Variants in ARID1B observed in about 807,000 individuals in gnomAD.
ARID1B encodes AT-rich interactive domain-containing protein 1B.
In ARID1B, 30 loss-of-function variants were observed where a neutral mutation model predicts 212.3. The ratio of observed to expected loss-of-function variants is 0.14; its 90% CI spans 0.11 to 0.19. The LOEUF is 0.19. ARID1B is among the 10% of genes least tolerant of loss of function. The pLI is 1.00. For missense variants in ARID1B, 2,891 were observed against 3,204.0 expected, an observed-to-expected ratio of 0.90 and a Z score of 2.36; for synonymous variants, 1,402 against 1,301.7, an observed-to-expected ratio of 1.08 and a Z score of -1.66.
At chr6:157,142,547 A>G (rs1434007551) in intron 7 of ARID1B, among the ~76,000 whole-genome samples, 1 of 151,914 alleles carries the variant, frequency 6.6e-6, no homozygotes, top group African/African-American at 2.4e-5. Context: ...GATCGCTTAA[A>G]CTCAGGAGGC....
At chr6:156,870,522 G>A (rs1354915398) in intron 2 of ARID1B, 1 of 152,178 alleles carries the variant, frequency 6.6e-6, no homozygotes, top group African/African-American at 2.4e-5. Flanking sequence ...AATTATTTAG[G>A]TTAAATTGCC....
intron 4 of ARID1B, among the ~76,000 whole-genome samples, chr6:157,081,300 C>T (rs1252780721): frequency 3.9e-5 from 6 of 152,168 alleles, no homozygotes; most frequent in Non-Finnish European, 7.4e-5. Context: ...AGAGTTGGTG[C>T]CCTGCTGACT....
chr6:157,044,012 A>C (rs895287714), intron 4 of ARID1B, among the ~76,000 whole-genome samples: 2 of 152,210 alleles, frequency 1.3e-5, no homozygotes, highest in Non-Finnish European at 2.9e-5. Flanking sequence ...AAGAATAATA[A>C]GTCCTTGCTT....
chr6:157,110,646 T>C, intron 6 of ARID1B, 85 bp downstream of exon 6: 1 of 1,237,742 alleles, frequency 8.1e-7, no homozygotes, highest in South Asian at 1.2e-5. Context: ...TGCACCTCCT[T>C]ATCATTAATT....
At chr6:157,135,080 T>C (rs1349642630) in intron 7 of ARID1B, among the ~76,000 whole-genome samples, 1 of 152,000 alleles carries the variant, frequency 6.6e-6, no homozygotes, top group Non-Finnish European at 1.5e-5. Context: ...GAAATTACTA[T>C]AGAATGGATT....
In ARID1B at chr6:156,778,402, A is replaced by T. The variant is rs1778843489; in HGVS notation, c.722A>T (p.Gln241Leu). ...CCCGGCCCCGACATGGAGCAGCCGC[A>T]ACATGGAGGCGCCAAGGACAGTGCT... is the stretch of plus-strand genomic sequence containing the variant. ...PQPGPDMEQP[Q>L]HGGAKDSAAG... is the part of the protein sequence containing the mutation. Residue 241 changes from glutamine to leucine, a missense_variant, in exon 1 of 20, where the codon CAA becomes CTA. Transcript: ENST00000636930. The T allele has an allele frequency of 6.5e-7, 1 of 1,532,946 alleles. No homozygotes were observed. Among genetic ancestry groups the T allele is most frequent in the Non-Finnish European group, 8.7e-7 (1 of 1,144,736 alleles). 95.0% of individuals were successfully genotyped at this position (1,532,946 alleles called of 1,614,324 possible). A position where few individuals can be genotyped will look rare whatever the true frequency, so the allele number is the denominator to read the frequency against.
chr6:157,150,260 T>C (rs1790099571), intron 8 of ARID1B: 2 of 152,188 alleles, frequency 1.3e-5, no homozygotes, highest in Non-Finnish European at 2.9e-5. Context: ...CCAGGCCTGA[T>C]TTTGTGTGGT....
At chr6:156,897,676 A>C (rs1388716249) in intron 2 of ARID1B, among the ~76,000 whole-genome samples, 2 of 151,712 alleles carry the variant, frequency 1.3e-5, no homozygotes, top group Admixed American at 6.6e-5. Context: ...AAATATATAT[A>C]TATATAGTTA....
At chr6:156,895,149 T>C (rs1788281758) in intron 2 of ARID1B, among the ~76,000 whole-genome samples, 1 of 152,244 alleles carries the variant, frequency 6.6e-6, no homozygotes. Context: ...TTTCTTTTTA[T>C]AGTATATTTG....
chr6:157,133,362 T>G (rs937964706), intron 7 of ARID1B, among the ~76,000 whole-genome samples, 155 bp downstream of exon 7: 2 of 152,244 alleles, frequency 1.3e-5, no homozygotes, highest in Admixed American at 6.5e-5. Flanking sequence ...CACAGTACTT[T>G]AGCTGCCCAT....
intron 4 of ARID1B, chr6:157,072,702 T>C (rs909598990): frequency 6.6e-6 from 1 of 152,258 alleles, no homozygotes. Flanking sequence ...ATCTTAATAC[T>C]ATGTGATATT....
intron 4 of ARID1B, among the ~76,000 whole-genome samples, chr6:157,021,288 G>A (rs1305071165): frequency 2.0e-5 from 3 of 152,208 alleles, no homozygotes; most frequent in Admixed American, 1.3e-4. Context: ...CGCGCCCACG[G>A]AAGAAGCCGA....
intron 8 of ARID1B, chr6:157,164,718 C>G (rs1403651597): frequency 6.6e-6 from 1 of 151,990 alleles, no homozygotes; most frequent in Non-Finnish European, 1.5e-5. Context: ...CCAAGACATG[C>G]GTAAATTATT....
chr6:156,873,849 G>A (rs1786334611), intron 2 of ARID1B, among the ~76,000 whole-genome samples: 1 of 152,128 alleles, frequency 6.6e-6, no homozygotes, highest in Admixed American at 6.5e-5. Flanking sequence ...TGTGCCCCCA[G>A]CCCAACCTGT....
At chr6:157,184,456 C>T (rs1292008864) in intron 13 of ARID1B, 21 bp downstream of exon 13, 4 of 1,613,518 alleles carry the variant, frequency 2.5e-6, no homozygotes. Context: ...GCGCTGCAGT[C>T]ACTGGCCCAG....
At chr6:157,020,888 T>C (rs1780193708) in intron 4 of ARID1B, among the ~76,000 whole-genome samples, 2 of 152,236 alleles carry the variant, frequency 1.3e-5, no homozygotes, top group African/African-American at 4.8e-5. Context: ...AACCTGGAAC[T>C]TATGGCTAGA....
intron 2 of ARID1B, among the ~76,000 whole-genome samples, chr6:156,867,978 A>G (rs1187629404): frequency 3.3e-5 from 5 of 151,988 alleles, no homozygotes; most frequent in Admixed American, 1.3e-4. Flanking sequence ...TGCAGTTCCA[A>G]ACTGTCCCAG....
chr6:156,933,048 G>C (rs1043411501), intron 3 of ARID1B, among the ~76,000 whole-genome samples: 1 of 152,172 alleles, frequency 6.6e-6, no homozygotes, highest in Non-Finnish European at 1.5e-5. Flanking sequence ...TTCATAGTCT[G>C]TTAGTCTGTG....
Position 157,010,175 on chromosome 6 carries a change from T to C in ARID1B, c.2248-74487T>C, listed in dbSNP as rs35704002. ...CACTCAGGGGTTTTGTTTTTGTTTT[T>C]CTCTATCTTTGGGTAATCTTGAATA... On this transcript the variant is annotated intron_variant, in intron 4 of 19. Transcript: ENST00000636930. Among the ~76,000 whole-genome samples the C allele has an allele frequency of 2.5e-3, 375 of 152,284 alleles. 1 individual carries two copies. The highest frequency in any genetic ancestry group is 0.017 in the Middle Eastern group (5 of 294).
Sources: gnomAD v4.1 joint callset for allele counts (sites outside exome capture counted in the v4.1 genomes callset) on GRCh38, gnomAD v4.1.1 for gene constraint, MANE v1.5 for transcripts, NCBI Gene and HGNC (gene_info 2026-07-23, HGNC 2026-07-21) for gene names.